Variants in UGT1A8 observed in about 807,000 individuals in gnomAD.
UGT1A8 encodes the protein UDP-glucuronosyltransferase 1A8.
Under a neutral mutation model 45.3 loss-of-function variants are expected in UGT1A8, and 39 were observed. The observed-to-expected ratio is 0.86, with a 90% confidence interval of 0.67 to 1.12. The LOEUF (loss-of-function observed/expected upper bound fraction) is 1.12. Ranked by LOEUF, UGT1A8 falls within the 50% of genes most tolerant of loss-of-function variation. The pLI is 0.00. For missense variants in UGT1A8, 719 were observed against 664.9 expected (o/e 1.08, Z -0.90); for synonymous variants, 275 against 249.2 (o/e 1.10, Z -0.97).
chr2:233,711,817 C>T (rs984543868), intron 1 of UGT1A8, among the ~76,000 whole-genome samples: 1 of 152,154 alleles, frequency 6.6e-6, no homozygotes, highest in Non-Finnish European at 1.5e-5. Flanking sequence ...CATCCTGGGG[C>T]GACCAGGACA....
chr2:233,642,337 A>G (rs757279353), intron 1 of UGT1A8, among the ~76,000 whole-genome samples: 21 of 152,122 alleles, frequency 1.4e-4, no homozygotes, highest in Non-Finnish European at 2.8e-4. Context: ...TGCATTTTTC[A>G]GCTCCAGAAT....
chr2:233,728,331 C>T (rs1305680742), intron 1 of UGT1A8, among the ~76,000 whole-genome samples: 2 of 152,328 alleles, frequency 1.3e-5, no homozygotes, highest in South Asian at 2.1e-4. Flanking sequence ...CTCCAGCTCC[C>T]CCAGTCCCTT....
intron 1 of UGT1A8, among the ~76,000 whole-genome samples, chr2:233,742,528 A>G (rs896768700): frequency 1.3e-5 from 2 of 151,872 alleles, no homozygotes; most frequent in Admixed American, 6.5e-5. Flanking sequence ...AGTGCTGCAG[A>G]GATTTTGTTT....
intron 1 of UGT1A8, among the ~76,000 whole-genome samples, chr2:233,688,542 C>A (rs561616482): frequency 6.6e-6 from 1 of 152,192 alleles, no homozygotes; most frequent in Non-Finnish European, 1.5e-5. Context: ...ACTTACATCA[C>A]ATGGTCTCTA....
At chr2:233,679,576 C>T (rs2074456739) in intron 1 of UGT1A8, among the ~76,000 whole-genome samples, 1 of 151,584 alleles carries the variant, frequency 6.6e-6, no homozygotes, top group African/African-American at 2.4e-5. Flanking sequence ...TTTGTTTTTT[C>T]CAGAATAGGG....
intron 1 of UGT1A8, among the ~76,000 whole-genome samples, chr2:233,644,619 C>A (rs945381015): frequency 6.6e-6 from 1 of 152,104 alleles, no homozygotes; most frequent in Non-Finnish European, 1.5e-5. Context: ...GGGTGGGTGT[C>A]AGCTGAGTTT....
At chr2:233,666,997 G>C (rs2074092682) in intron 1 of UGT1A8, among the ~76,000 whole-genome samples, 2 of 152,120 alleles carry the variant, frequency 1.3e-5, no homozygotes, top group Non-Finnish European at 2.9e-5. Context: ...TTTTATGGCT[G>C]CATAGTATTC....
At chr2:233,742,568 G>A (rs1692020087) in intron 1 of UGT1A8, among the ~76,000 whole-genome samples, 1 of 151,798 alleles carries the variant, frequency 6.6e-6, no homozygotes, top group African/African-American at 2.4e-5. Context: ...GCTTCTGGCC[G>A]GAATTGGGGG....
intron 1 of UGT1A8, among the ~76,000 whole-genome samples, chr2:233,660,065 A>G (rs1183670287): frequency 2.0e-5 from 3 of 152,158 alleles, no homozygotes; most frequent in South Asian, 2.1e-4. Context: ...AATTTCTTTC[A>G]TGAGTCCCTT....
In UGT1A8 at chr2:233,760,715, G is replaced by A. The variant is rs1559407347; in HGVS notation, c.856-6319G>A. ...GAGCTCATGGCCTCCCTGGCAGAAA[G>A]CAGCTTTGATGTCATGCTGACGGAC... is the stretch of plus-strand genomic sequence containing the variant. On this transcript the variant is annotated intron_variant, in intron 1 of 4. Transcript: ENST00000373450. The A allele has an allele frequency of 1.2e-6, 2 of 1,614,196 alleles. No individual in the cohort carries two copies. The highest frequency in any genetic ancestry group is 1.3e-5 in the African/African-American group (1 of 75,042).
At position 233,690,407 on chromosome 2, in the gene UGT1A8, T is replaced by C. The variant is rs562981607; in HGVS notation, c.855+71845T>C. The C allele has an allele frequency of 2.3e-4, 269 of 1,195,420 alleles. 5 individuals are homozygous for C. In the South Asian group the frequency reaches 3.5e-3, roughly 16 times the overall value. The allele number at this position is 1,195,420 out of a possible 1,614,324, so 74.1% of individuals were successfully genotyped here. On this transcript the variant is annotated intron_variant, in intron 1 of 4. Coordinates refer to ENST00000373450, the MANE Select transcript of UGT1A8 (RefSeq NM_019076.5). Reference sequence around the variant, plus strand: ...TTTCCAGACCTTCCTATTCCCAACATGAAATTACCTTCATGCACATCTTTG... The same window carrying C: ...TTTCCAGACCTTCCTATTCCCAACACGAAATTACCTTCATGCACATCTTTG...
At chr2:233,679,999 T>C (rs1390712998) in intron 1 of UGT1A8, among the ~76,000 whole-genome samples, 3 of 152,198 alleles carry the variant, frequency 2.0e-5, no homozygotes, top group Non-Finnish European at 1.5e-5. Flanking sequence ...TCTTTTCTTC[T>C]CTTTTCTTTC....
chr2:233,645,610 T>G (rs1347926183), intron 1 of UGT1A8, among the ~76,000 whole-genome samples: 1 of 152,214 alleles, frequency 6.6e-6, no homozygotes, highest in Non-Finnish European at 1.5e-5. Flanking sequence ...CCCATGCATG[T>G]CAGAAATCCG....
chr2:233,698,768 A>C (rs2075461107), intron 1 of UGT1A8, among the ~76,000 whole-genome samples: 1 of 152,254 alleles, frequency 6.6e-6, no homozygotes, highest in African/African-American at 2.4e-5. Context: ...TCAGAAAGAA[A>C]GAGTATCCTT....
At chr2:233,641,794 GT>G (rs1337858470) in intron 1 of UGT1A8, among the ~76,000 whole-genome samples, 1 of 151,348 alleles carries the variant, frequency 6.6e-6, no homozygotes, top group Non-Finnish European at 1.5e-5. Context: ...GGGGTAAAAG[GT>G]TTTTTTTTCT....
In UGT1A8 at chr2:233,660,609, A is replaced by G. The variant is rs527613270; in HGVS notation, c.855+42047A>G. 1.1e-3 allele frequency among the ~76,000 whole-genome samples: 175 copies of G among 152,348 alleles called. 1 individual carries two copies. The highest frequency in any genetic ancestry group is 4.0e-3 in the African/African-American group (168 of 41,582). ...TTCCCTTAAAGGCTCAAGGATTAGCAGCTTTATAGATAAGGTTATTCTTAA... is the reference window on the plus strand; with the variant it reads ...TTCCCTTAAAGGCTCAAGGATTAGCGGCTTTATAGATAAGGTTATTCTTAA... On this transcript the variant is annotated intron_variant, in intron 1 of 4. Transcript: ENST00000373450.
At chr2:233,636,955 G>GT (rs2073309485) in intron 1 of UGT1A8, 1 of 1,614,130 alleles carries the variant, frequency 6.2e-7, no homozygotes, top group Non-Finnish European at 8.5e-7. Flanking sequence ...TTTTGATGCA[G>GT]TGTTTCTGGA....
At chr2:233,672,144 G>A in intron 1 of UGT1A8, 1 of 1,614,184 alleles carries the variant, frequency 6.2e-7, no homozygotes, top group Non-Finnish European at 8.5e-7. Flanking sequence ...GAAGATCACT[G>A]AATTGCACAG....
At chr2:233,691,496 G>A (rs1466569117) in intron 1 of UGT1A8, 4 of 985,622 alleles carry the variant, frequency 4.1e-6, no homozygotes, top group Non-Finnish European at 4.8e-6. Context: ...GTGGGAACAG[G>A]AACTCGCGTG....
Sources: allele counts gnomAD v4.1 joint callset (sites outside exome capture counted in the v4.1 genomes callset), GRCh38; gene constraint gnomAD v4.1.1; transcripts MANE v1.5; gene names NCBI Gene and HGNC (gene_info 2026-07-23, HGNC 2026-07-21).